Variants in EPB41L3 observed in about 807,000 individuals in gnomAD.
The protein encoded by EPB41L3 is band 4.1-like protein 3.
Under a neutral mutation model 127.1 loss-of-function variants are expected in EPB41L3, and 57 were observed. That is an observed-to-expected ratio of 0.45 (90% CI 0.36 to 0.56). The LOEUF (loss-of-function observed/expected upper bound fraction) is 0.56. EPB41L3 is among the 20% of genes least tolerant of loss of function. The pLI, the probability that EPB41L3 is intolerant of heterozygous loss-of-function variation, is 0.00. For synonymous variants in EPB41L3, 572 were observed against 549.5 expected, an observed-to-expected ratio of 1.04 and a Z score of -0.57; for missense variants, 1,273 against 1,372.2, an observed-to-expected ratio of 0.93 and a Z score of 1.14.
intron 1 of EPB41L3, among the ~76,000 whole-genome samples, chr18:5,505,650 C>G (rs1183254329): frequency 6.8e-6 from 1 of 146,948 alleles, no homozygotes; most frequent in Admixed American, 6.7e-5. Context: ...CCACCCCTAC[C>G]ATCCACACCT....
At chr18:5,408,261 CTTTTCTT>C (rs2075734829) in intron 14 of EPB41L3, among the ~76,000 whole-genome samples, 1 of 132,208 alleles carries the variant, frequency 7.6e-6, no homozygotes. Context: ...CCTTGATTTT[CTTTTCTT>C]TTTTCTTTTT....
At chr18:5,417,441 C>G (rs1020287317) in intron 12 of EPB41L3, among the ~76,000 whole-genome samples, 1 of 152,126 alleles carries the variant, frequency 6.6e-6, no homozygotes, top group Non-Finnish European at 1.5e-5. Flanking sequence ...AAGGAAAGCA[C>G]GCAAGCCCCA....
At chr18:5,603,847 C>T (rs2094616949) in intron 3 of EPB41L3, among the ~76,000 whole-genome samples, 1 of 151,924 alleles carries the variant, frequency 6.6e-6, no homozygotes, top group South Asian at 2.1e-4. Flanking sequence ...GCCTGGGTAA[C>T]AAAGTGAGGC....
intron 1 of EPB41L3, among the ~76,000 whole-genome samples, chr18:5,537,773 C>A (rs1598792095): frequency 1.3e-5 from 2 of 152,148 alleles, no homozygotes; most frequent in Admixed American, 1.3e-4. Context: ...AATTGAGAGT[C>A]TCTATCAAAA....
intron 1 of EPB41L3, among the ~76,000 whole-genome samples, chr18:5,527,887 AAC>A (rs982053096): frequency 5.9e-5 from 9 of 152,202 alleles, no homozygotes; most frequent in East Asian, 3.8e-4. Flanking sequence ...ACTAATAAGA[AAC>A]ACACCATAGA....
At chr18:5,458,209 A>C (rs868273886) in intron 3 of EPB41L3, among the ~76,000 whole-genome samples, 2 of 152,172 alleles carry the variant, frequency 1.3e-5, no homozygotes, top group South Asian at 2.1e-4. Context: ...TTGAATTTTT[A>C]CCCCCATTCT....
chr18:5,575,148 T>C (rs2094324850), intron 3 of EPB41L3, among the ~76,000 whole-genome samples: 1 of 152,206 alleles, frequency 6.6e-6, no homozygotes. Flanking sequence ...TTTCTGTTCT[T>C]AGTTCCCTGT....
intron 1 of EPB41L3, among the ~76,000 whole-genome samples, chr18:5,541,084 C>CAAAAAA (rs147766745): frequency 1.3e-5 from 1 of 76,316 alleles, no homozygotes. Flanking sequence ...GACTCCGTCT[C>CAAAAAA]AAAAAAAAAA....
Position 5,481,870 on chromosome 18 carries a change from G to A in EPB41L3, c.184-3432C>T, listed in dbSNP as rs560572188. On this transcript the variant is annotated intron_variant, in intron 2 of 22. Transcript: ENST00000341928. ...AAGGCCACCTAGCGCCAAAGAGGTG[G>A]CAGAGGCCTAGCGGTAAAAAATTTC... Among the ~76,000 whole-genome samples, 71 of 152,290 alleles carry A rather than the reference G, an allele frequency of 4.7e-4. 2 individuals carry two copies. In the South Asian group the frequency reaches 7.5e-3, roughly 16 times the overall value.
At chr18:5,549,677 C>T (rs1267832047) in intron 3 of EPB41L3, among the ~76,000 whole-genome samples, 1 of 152,148 alleles carries the variant, frequency 6.6e-6, no homozygotes, top group Non-Finnish European at 1.5e-5. Flanking sequence ...TTAACTGAGT[C>T]GGAAGCTCTG....
chr18:5,464,013 T>G (rs2084507317), intron 3 of EPB41L3, among the ~76,000 whole-genome samples: 1 of 151,960 alleles, frequency 6.6e-6, no homozygotes, highest in African/African-American at 2.4e-5. Flanking sequence ...TCCAGCTCAT[T>G]TCCTGCCCAT....
intron 1 of EPB41L3, among the ~76,000 whole-genome samples, chr18:5,503,479 T>G (rs1263485025): frequency 3.3e-5 from 5 of 152,288 alleles, no homozygotes; most frequent in Admixed American, 2.0e-4. Flanking sequence ...GATGGAAGGC[T>G]CCAGGCACAG....
At chr18:5,449,946 G>A (rs1458616147) in intron 3 of EPB41L3, among the ~76,000 whole-genome samples, 3 of 152,160 alleles carry the variant, frequency 2.0e-5, no homozygotes, top group African/African-American at 7.2e-5. Context: ...AAAATATACT[G>A]TAATAAAAGT....
chr18:5,553,660 T>A (rs1287396748), intron 3 of EPB41L3, among the ~76,000 whole-genome samples: 1 of 152,212 alleles, frequency 6.6e-6, no homozygotes, highest in African/African-American at 2.4e-5. Flanking sequence ...TGGCTCTACC[T>A]TCAGGACATA....
intron 6 of EPB41L3, among the ~76,000 whole-genome samples, chr18:5,436,345 T>C (rs1457890252): frequency 6.6e-6 from 1 of 150,430 alleles, no homozygotes; most frequent in Non-Finnish European, 1.5e-5. Flanking sequence ...TTTAACAGCC[T>C]CAGCTCTACA....
intron 1 of EPB41L3, among the ~76,000 whole-genome samples, chr18:5,524,617 AG>A (rs11367428): frequency 0.26 from 39,243 of 152,042 alleles, 5,561 homozygotes; most frequent in African/African-American, 0.38. Flanking sequence ...AGAGATCTCA[AG>A]GGATTCCACT....
At chr18:5,576,554 T>A (rs943614231) in intron 3 of EPB41L3, among the ~76,000 whole-genome samples, 2 of 152,234 alleles carry the variant, frequency 1.3e-5, no homozygotes, top group African/African-American at 4.8e-5. Flanking sequence ...CAAACCTTGC[T>A]AATTAGCCAC....
intron 1 of EPB41L3, among the ~76,000 whole-genome samples, chr18:5,516,192 C>T (rs1198149344): frequency 4.6e-5 from 7 of 152,224 alleles, no homozygotes; most frequent in East Asian, 1.9e-4. Flanking sequence ...ATTTCCACTA[C>T]GGATGTGCTC....
intron 11 of EPB41L3, among the ~76,000 whole-genome samples, chr18:5,421,032 G>C (rs963177308): frequency 2.0e-5 from 3 of 152,156 alleles, no homozygotes; most frequent in Admixed American, 6.5e-5. Context: ...TTGCAAAAAA[G>C]CAGTTTATGT....
Sources: gnomAD v4.1 joint callset for allele counts (sites outside exome capture counted in the v4.1 genomes callset) on GRCh38, gnomAD v4.1.1 for gene constraint, MANE v1.5 for transcripts, NCBI Gene and HGNC (gene_info 2026-07-23, HGNC 2026-07-21) for gene names.